The following IL1RAPL1 variants were observed in gnomAD, a reference collection of about 807,000 sequenced individuals.
The protein encoded by IL1RAPL1 is interleukin 1 receptor accessory protein like 1.
In IL1RAPL1, 3 loss-of-function variants were observed where a neutral mutation model predicts 48.4. The observed-to-expected ratio is 0.06, with a 90% CI of 0.03 to 0.16. IL1RAPL1 has a LOEUF of 0.16. IL1RAPL1 is among the 10% of genes least tolerant of loss of function. IL1RAPL1 has a pLI of 1.00. For synonymous variants in IL1RAPL1, 185 were observed against 187.7 expected (o/e 0.99, Z 0.12); for missense variants, 349 against 530.6 (o/e 0.66, Z 3.36).
At chrX:28,848,081 G>A (rs1921557853) in intron 2 of IL1RAPL1, among the ~76,000 whole-genome samples, 1 of 111,283 alleles carries the variant, frequency 9.0e-6, no homozygotes, top group African/African-American at 3.3e-5. Context: ...ACCAAACACT[G>A]CATGTTCTCA....
intron 5 of IL1RAPL1, among the ~76,000 whole-genome samples, chrX:29,631,828 T>C: frequency 9.0e-6 from 1 of 111,182 alleles, no homozygotes; most frequent in Non-Finnish European, 1.9e-5. Flanking sequence ...TTCAGTTGAT[T>C]ACAGCTAATT....
chrX:28,884,946 G>A (rs1372993241), intron 2 of IL1RAPL1, among the ~76,000 whole-genome samples: 2 of 111,079 alleles, frequency 1.8e-5, no homozygotes, highest in Non-Finnish European at 3.8e-5. Flanking sequence ...TTAAAAAGGT[G>A]GAATTATGAC....
intron 2 of IL1RAPL1, among the ~76,000 whole-genome samples, chrX:28,819,987 T>TAC (rs1274372388): frequency 3.9e-5 from 3 of 77,525 alleles, no homozygotes; most frequent in East Asian, 8.2e-4. Context: ...TATATATATA[T>TAC]ATATATATAT....
intron 6 of IL1RAPL1, among the ~76,000 whole-genome samples, chrX:29,680,084 T>C (rs1238142386): frequency 8.9e-6 from 1 of 111,811 alleles, no homozygotes; most frequent in Non-Finnish European, 1.9e-5. Flanking sequence ...CAACTTCCTA[T>C]GTCTAAGCAA....
chrX:28,817,749 AG>A (rs1403737674), intron 2 of IL1RAPL1, among the ~76,000 whole-genome samples: 1 of 111,173 alleles, frequency 9.0e-6, no homozygotes, highest in African/African-American at 3.3e-5. Flanking sequence ...GGATACAGGC[AG>A]GTAGCTAAGT....
At chrX:28,900,712 G>A (rs1923052299) in intron 2 of IL1RAPL1, among the ~76,000 whole-genome samples, 1 of 111,538 alleles carries the variant, frequency 9.0e-6, no homozygotes, top group South Asian at 3.7e-4. Flanking sequence ...TGTTACATTA[G>A]CATCCCACTT....
At chrX:29,274,687 G>A (rs918424791) in intron 2 of IL1RAPL1, among the ~76,000 whole-genome samples, 1 of 112,118 alleles carries the variant, frequency 8.9e-6, no homozygotes, top group Non-Finnish European at 1.9e-5. Flanking sequence ...AAGCAATAAC[G>A]TTCTGCTGTA....
chrX:28,968,752 T>G (rs1270883216), intron 2 of IL1RAPL1, among the ~76,000 whole-genome samples: 2 of 112,881 alleles, frequency 1.8e-5, no homozygotes, highest in Non-Finnish European at 3.7e-5. Context: ...AATTTATGTG[T>G]ATACTCACAT....
chrX:29,141,595 G>A (rs1288258525), intron 2 of IL1RAPL1, among the ~76,000 whole-genome samples: 1 of 111,863 alleles, frequency 8.9e-6, no homozygotes, highest in Non-Finnish European at 1.9e-5. Context: ...GGGGAAAAAT[G>A]TAAGTAGCCA....
intron 6 of IL1RAPL1, among the ~76,000 whole-genome samples, chrX:29,800,893 G>C (rs1470765355): frequency 1.0e-5 from 1 of 97,980 alleles, no homozygotes; most frequent in Non-Finnish European, 2.0e-5. Flanking sequence ...CCAGCTACTC[G>C]GGAGGCTGAG....
Position 29,956,666 on chromosome X carries a change from C to CAT in IL1RAPL1, c.*856_*857dup, listed in dbSNP as rs1173443893. ...GTTGATGTACCCTTATATATATATA[C>CAT]ATATATATATAAATATAAATATATA... On this transcript the variant is annotated 3_prime_UTR_variant, in exon 11 of 11. Coordinates refer to ENST00000378993, the MANE Select transcript of IL1RAPL1 (RefSeq NM_014271.4). 5.7e-5 allele frequency: 5 copies of CAT among 87,083 alleles called. No individual in the cohort carries two copies. Among genetic ancestry groups the CAT allele is most frequent in the Middle Eastern group, 6.7e-3 (1 of 150 alleles). 7.2% of individuals were successfully genotyped at this position (87,083 alleles called of 1,213,427 possible).
chrX:29,877,851 A>G (rs1931941037), intron 6 of IL1RAPL1, among the ~76,000 whole-genome samples: 1 of 111,714 alleles, frequency 9.0e-6, no homozygotes, highest in Non-Finnish European at 1.9e-5. Context: ...TAAGGCTTAG[A>G]CCAAAATCAT....
intron 6 of IL1RAPL1, among the ~76,000 whole-genome samples, chrX:29,797,026 C>A (rs1353994730): frequency 8.9e-6 from 1 of 112,835 alleles, no homozygotes; most frequent in Non-Finnish European, 1.9e-5. Flanking sequence ...TCCTTACCAC[C>A]TTTTCTTAAG....
At chrX:28,795,237 G>T (rs750745419) in intron 2 of IL1RAPL1, among the ~76,000 whole-genome samples, 6 of 111,389 alleles carry the variant, frequency 5.4e-5, no homozygotes, top group African/African-American at 1.6e-4. Flanking sequence ...TAGATCTAGA[G>T]TAATTTTAAT....
intron 5 of IL1RAPL1, among the ~76,000 whole-genome samples, chrX:29,590,202 A>G (rs1923322535): frequency 9.0e-6 from 1 of 110,979 alleles, no homozygotes; most frequent in Non-Finnish European, 1.9e-5. Context: ...ATCCACTCCC[A>G]TGAGCCAGTC....
At chrX:29,631,727 G>A (rs187545733) in intron 5 of IL1RAPL1, among the ~76,000 whole-genome samples, 491 of 111,422 alleles carry the variant, frequency 4.4e-3, no homozygotes, top group African/African-American at 0.015. Flanking sequence ...CCCGGGAGGC[G>A]GAGCTTGCAG....
In IL1RAPL1 at chrX:29,070,036, C is replaced by T. The variant is rs748152833; in HGVS notation, c.83-212902C>T. 4.5e-5 allele frequency among the ~76,000 whole-genome samples: 5 copies of T among 111,780 alleles called. No homozygotes were observed. In the South Asian group the frequency reaches 1.9e-3, roughly 42 times the overall value. ...AATTAGTTAATGTTTTTGGATTGCACGGGATGTGAAACATGCCTAGAAGCT... is the reference window on the plus strand; with the variant it reads ...AATTAGTTAATGTTTTTGGATTGCATGGGATGTGAAACATGCCTAGAAGCT... On this transcript the variant is annotated intron_variant, in intron 2 of 10. Transcript: ENST00000378993.
intron 1 of IL1RAPL1, among the ~76,000 whole-genome samples, chrX:28,737,207 CTTTCTTT>C (rs1935849648): frequency 6.5e-5 from 2 of 30,597 alleles, no homozygotes; most frequent in East Asian, 1.2e-3. Context: ...CTTTCTTTCT[CTTTCTTT>C]CTTTCTTTCT....
At chrX:28,867,205 A>G (rs724087) in intron 2 of IL1RAPL1, among the ~76,000 whole-genome samples, 34,532 of 111,081 alleles carry the variant, frequency 0.31, 4,162 homozygotes, top group East Asian at 0.49. Flanking sequence ...ATTTCTATCC[A>G]TCTTTGCTTC....
Sources: allele counts gnomAD v4.1 joint callset (sites outside exome capture counted in the v4.1 genomes callset), GRCh38; gene constraint gnomAD v4.1.1; transcripts MANE v1.5; gene names NCBI Gene and HGNC (gene_info 2026-07-23, HGNC 2026-07-21).